Variants in EXOC6B observed in about 807,000 individuals in gnomAD.
The protein encoded by EXOC6B is SEC15 homolog B.
In EXOC6B, 54 loss-of-function variants were observed where a neutral mutation model predicts 113.5. That is an observed-to-expected ratio of 0.48 (90% CI 0.38 to 0.60). The LOEUF (loss-of-function observed/expected upper bound fraction) is 0.60, where lower values mean the gene tolerates loss of function less well. Ranked by LOEUF, EXOC6B falls within the 20% of genes least tolerant of loss-of-function variation. The pLI is 0.00. For missense variants in EXOC6B, 797 were observed against 977.5 expected, an observed-to-expected ratio of 0.82 and a Z score of 2.46; for synonymous variants, 357 against 339.0, an observed-to-expected ratio of 1.05 and a Z score of -0.58.
intron 6 of EXOC6B, among the ~76,000 whole-genome samples, chr2:72,683,303 T>A (rs540352435): frequency 2.8e-4 from 42 of 148,596 alleles, no homozygotes; most frequent in South Asian, 1.7e-3. Flanking sequence ...AAGTGACTTT[T>A]AAAAAAAAAA....
intron 20 of EXOC6B, among the ~76,000 whole-genome samples, chr2:72,306,250 A>G (rs775670170): frequency 6.6e-6 from 1 of 152,254 alleles, no homozygotes; most frequent in East Asian, 1.9e-4. Flanking sequence ...AAATATTCTC[A>G]TTTCACAGTT....
At chr2:72,296,102 T>A (rs1034278935) in intron 20 of EXOC6B, among the ~76,000 whole-genome samples, 7 of 151,980 alleles carry the variant, frequency 4.6e-5, no homozygotes, top group Non-Finnish European at 8.8e-5. Context: ...CAATTTTGAA[T>A]AATATTAAAT....
chr2:72,233,934 G>T (rs1023295202), intron 20 of EXOC6B, among the ~76,000 whole-genome samples: 1 of 151,734 alleles, frequency 6.6e-6, no homozygotes, highest in African/African-American at 2.4e-5. Flanking sequence ...GCTGGAGGCT[G>T]TGGCCTTCTG....
chr2:72,405,704 A>C (rs1693699695), intron 18 of EXOC6B, among the ~76,000 whole-genome samples: 1 of 152,226 alleles, frequency 6.6e-6, no homozygotes. Flanking sequence ...TGAAGGAAGC[A>C]CTAAACATGG....
intron 1 of EXOC6B, among the ~76,000 whole-genome samples, chr2:72,776,679 C>T (rs1274007596): frequency 1.3e-4 from 19 of 150,444 alleles, no homozygotes; most frequent in Non-Finnish European, 4.4e-5. Flanking sequence ...AAAAAATAGA[C>T]AACAAAATGG....
rs148907481 is a variant in EXOC6B at position 72,250,482 on chromosome 2, A to G, written c.2197-66295T>C. ...GTCATCCTCCTGAGTAGCTGGGACT[A>G]CAGGTGTATGCCACCAGGCCTGGCT... is the stretch of plus-strand genomic sequence containing the variant. On this transcript the variant is annotated intron_variant, in intron 20 of 21. Transcript: ENST00000272427. Among the ~76,000 whole-genome samples, 175 of 152,120 alleles carry G rather than the reference A, an allele frequency of 1.2e-3. 1 individual carries two copies. The highest frequency in any genetic ancestry group is 4.0e-3 in the African/African-American group (165 of 41,504).
intron 20 of EXOC6B, among the ~76,000 whole-genome samples, chr2:72,256,894 G>A (rs1488178074): frequency 6.6e-6 from 1 of 152,190 alleles, no homozygotes; most frequent in African/African-American, 2.4e-5. Context: ...GGATTGAGCT[G>A]TGTATATGTA....
At chr2:72,349,213 G>C (rs1440510352) in intron 19 of EXOC6B, among the ~76,000 whole-genome samples, 1 of 152,162 alleles carries the variant, frequency 6.6e-6, no homozygotes, top group African/African-American at 2.4e-5. Context: ...CTTGAGGTCT[G>C]TGATATAATA....
At chr2:72,770,280 T>C (rs935688256) in intron 1 of EXOC6B, among the ~76,000 whole-genome samples, 3 of 150,884 alleles carry the variant, frequency 2.0e-5, no homozygotes, top group Non-Finnish European at 4.4e-5. Context: ...AGAGAGAAGA[T>C]AGAAAGTAGA....
At chr2:72,462,521 T>C (rs1558691596) in intron 18 of EXOC6B, 1 of 152,088 alleles carries the variant, frequency 6.6e-6, no homozygotes, top group African/African-American at 2.4e-5. Context: ...AGTGATTACA[T>C]CACTCATTAA....
In EXOC6B at chr2:72,176,791, CA is replaced by C. The variant is rs1403859144; in HGVS notation, c.*2543del. 6.6e-6 allele frequency: 1 copy of C among 152,162 alleles called. No homozygotes were observed. The highest frequency in any genetic ancestry group is 1.5e-5 in the Non-Finnish European group (1 of 68,052). The allele number at this position is 152,162 out of a possible 1,614,324, so 9.4% of individuals were successfully genotyped here. ...CCAAGGGTTCATCCTGACCAGAAGC[CA>C]TACAGGCTTCTAGCCATCTGTGTGC... On this transcript the variant is annotated 3_prime_UTR_variant, in exon 22 of 22. Transcript: ENST00000272427.
chr2:72,517,251 GCA>G (rs1573307644), intron 8 of EXOC6B, among the ~76,000 whole-genome samples: 1 of 152,234 alleles, frequency 6.6e-6, no homozygotes, highest in East Asian at 1.9e-4. Context: ...TTATAATTTT[GCA>G]CAGTTTTCAC....
chr2:72,566,293 G>A (rs1190031019), intron 7 of EXOC6B, among the ~76,000 whole-genome samples: 1 of 152,060 alleles, frequency 6.6e-6, no homozygotes, highest in African/African-American at 2.4e-5. Context: ...GTAGCCTTTT[G>A]AACCTGGCTT....
chr2:72,225,326 A>T (rs1409935658), intron 20 of EXOC6B, among the ~76,000 whole-genome samples: 1 of 152,202 alleles, frequency 6.6e-6, no homozygotes, highest in Non-Finnish European at 1.5e-5. Flanking sequence ...ACAATGACAA[A>T]TTAATGCTTA....
At chr2:72,706,312 A>G (rs1460065191) in intron 6 of EXOC6B, among the ~76,000 whole-genome samples, 3 of 152,168 alleles carry the variant, frequency 2.0e-5, no homozygotes, top group Admixed American at 2.0e-4. Flanking sequence ...TGTGTGTGTC[A>G]TGGTCAGGAG....
At chr2:72,639,050 T>C (rs939082615) in intron 6 of EXOC6B, among the ~76,000 whole-genome samples, 2 of 152,126 alleles carry the variant, frequency 1.3e-5, no homozygotes, top group Non-Finnish European at 2.9e-5. Flanking sequence ...CCTGTGACCA[T>C]GCACTATCTC....
intron 1 of EXOC6B, among the ~76,000 whole-genome samples, chr2:72,818,002 C>T (rs767380112): frequency 5.1e-4 from 77 of 152,056 alleles, no homozygotes; most frequent in Non-Finnish European, 9.1e-4. Context: ...GACAGAGTCT[C>T]GCTCTGTCGC....
chr2:72,511,570 T>C (rs1254124362), intron 11 of EXOC6B, among the ~76,000 whole-genome samples: 2 of 152,054 alleles, frequency 1.3e-5, no homozygotes, highest in Non-Finnish European at 2.9e-5. Context: ...TTACCCCTCA[T>C]CCACTATCCA....
At chr2:72,318,472 C>A (rs1239602982) in intron 20 of EXOC6B, among the ~76,000 whole-genome samples, 1 of 151,978 alleles carries the variant, frequency 6.6e-6, no homozygotes, top group Non-Finnish European at 1.5e-5. Flanking sequence ...CGGCCCACTG[C>A]AATCTCCGCC....
Sources: gnomAD v4.1 joint callset for allele counts (sites outside exome capture counted in the v4.1 genomes callset) on GRCh38, gnomAD v4.1.1 for gene constraint, MANE v1.5 for transcripts, NCBI Gene and HGNC (gene_info 2026-07-23, HGNC 2026-07-21) for gene names.